KCNAB2: variants seen among roughly 807,000 people sequenced by gnomAD.
KCNAB2 encodes the protein potassium voltage-gated channel subfamily A regulatory beta subunit 2.
Under a neutral mutation model 63.6 loss-of-function variants are expected in KCNAB2, and 29 were observed. The ratio of observed to expected loss-of-function variants is 0.46; its 90% CI spans 0.34 to 0.62. The LOEUF (loss-of-function observed/expected upper bound fraction) is 0.62, where lower values mean the gene tolerates loss of function less well. Among genes scored for constraint, KCNAB2 ranks in the 20% least tolerant of loss-of-function variants. The pLI is 0.01. For synonymous variants in KCNAB2, 222 were observed against 224.2 expected (o/e 0.99, Z 0.09); for missense variants, 359 against 563.9 (o/e 0.64, Z 3.68).
In KCNAB2 at chr1:6,003,560, A is replaced by G. The variant is rs1657384938; in HGVS notation, c.-53+10772A>G. ...AACATTATTTCCTGGGAGATCCGGC[A>G]GCTCTTCACTCTTCCGAATCAGGCT... is the stretch of plus-strand genomic sequence containing the variant. On this transcript the variant is annotated intron_variant, in intron 1 of 16. Transcript: ENST00000341524. The surrounding 1 kb of genome is among the most constrained non-coding windows in gnomAD (Gnocchi z 4.1). 1.3e-5 allele frequency among the ~76,000 whole-genome samples: 2 copies of G among 152,154 alleles called. No individual in the cohort carries two copies.
chr1:6,073,840 G>T lies in KCNAB2; in HGVS notation c.300+70G>T. ...GCCAGAGCACATGGTTAAGTCTGCCGCGTGGACCAGTGAGCACGTGCTCCC... is the reference window on the plus strand; with the variant it reads ...GCCAGAGCACATGGTTAAGTCTGCCTCGTGGACCAGTGAGCACGTGCTCCC... On this transcript the variant is annotated intron_variant, in intron 4 of 15. Transcript: ENST00000378083. This position sits in a 1 kb window ranked among gnomAD's most constrained non-coding sequence, Gnocchi z 5.7. The T allele has an allele frequency of 6.7e-7, 1 of 1,499,666 alleles. No individual in the cohort carries two copies. The allele number at this position is 1,499,666 out of a possible 1,614,324, so 92.9% of individuals were successfully genotyped here.
intron 1 of KCNAB2, among the ~76,000 whole-genome samples, chr1:6,008,506 A>G (rs1019344300): frequency 2.8e-4 from 43 of 152,022 alleles, no homozygotes; most frequent in Non-Finnish European, 1.2e-4. Context: ...CTGTAATCCC[A>G]GCTACTCGGG....
chr1:5,997,944 A>G (rs1657029672), intron 1 of KCNAB2, among the ~76,000 whole-genome samples: 1 of 152,262 alleles, frequency 6.6e-6, no homozygotes, highest in African/African-American at 2.4e-5. Flanking sequence ...TCCCTCCTCT[A>G]GGGCTGAGAC....
At chr1:6,058,799 G>A (rs942523400) in intron 2 of KCNAB2, among the ~76,000 whole-genome samples, 2 of 152,240 alleles carry the variant, frequency 1.3e-5, no homozygotes, top group African/African-American at 4.8e-5. Flanking sequence ...CGGGCCAGAC[G>A]CAGGGGCTGG....
chr1:6,025,390 GA>G lies in KCNAB2; in HGVS notation c.-52-15126del, dbSNP rs550003146. ...TCCTCCCTTTGCCTGGTACCCCAAAGAGCTTGGGCTGTGCCCAGAGTGAGTC... is the reference window on the plus strand; with the variant it reads ...TCCTCCCTTTGCCTGGTACCCCAAAGGCTTGGGCTGTGCCCAGAGTGAGTC... On this transcript the variant is annotated intron_variant, in intron 1 of 16. Transcript: ENST00000341524. Among the ~76,000 whole-genome samples the G allele has an allele frequency of 1.5e-3, 222 of 152,336 alleles. 1 individual carries two copies. The highest frequency in any genetic ancestry group is 5.2e-3 in the African/African-American group (217 of 41,584).
Position 6,051,532 on chromosome 1 carries a change from G to T in KCNAB2, c.-5G>T, listed in dbSNP as rs1661381101. 6.6e-7 allele frequency: 1 copy of T among 1,514,490 alleles called. No individual in the cohort carries two copies. Among genetic ancestry groups the T allele is most frequent in the African/African-American group, 1.4e-5 (1 of 72,730 alleles). 93.8% of individuals were successfully genotyped at this position (1,514,490 alleles called of 1,614,324 possible). A position where few individuals can be genotyped will look rare whatever the true frequency, so the allele number is the denominator to read the frequency against. Reference sequence around the variant, plus strand: ...ACAGTGGCAGCTCCCAAGCCAGGCGGCACCATGCTGTCCATGACGTACAGC... The same window carrying T: ...ACAGTGGCAGCTCCCAAGCCAGGCGTCACCATGCTGTCCATGACGTACAGC... On this transcript the variant is annotated 5_prime_UTR_variant, in exon 2 of 16. Transcript: ENST00000378083.
chr1:6,072,632 G>A (rs1026940048), intron 2 of KCNAB2, 123 bp from the exon 3 acceptor site: 17 of 1,087,204 alleles, frequency 1.6e-5, no homozygotes, highest in Admixed American at 9.4e-5. Context: ...GGTGCCTTTC[G>A]GAGCCTCCAA....
chr1:6,091,150 A>C (rs1665154512), intron 9 of KCNAB2, 113 bp from the exon 10 acceptor site: 3 of 755,334 alleles, frequency 4.0e-6, no homozygotes, highest in Admixed American at 4.0e-5. Flanking sequence ...TTTTAACTAA[A>C]CGCGTGTTCT....
chr1:6,083,013 C>T (rs746063740), intron 5 of KCNAB2, among the ~76,000 whole-genome samples: 9 of 152,140 alleles, frequency 5.9e-5, no homozygotes, highest in East Asian at 5.8e-4. Flanking sequence ...GAGCACCCGG[C>T]GGCAGGGAAC....
At chr1:6,064,596 A>C (rs989625978) in intron 2 of KCNAB2, among the ~76,000 whole-genome samples, 4 of 152,188 alleles carry the variant, frequency 2.6e-5, no homozygotes, top group African/African-American at 7.2e-5. Context: ...GTAGGGGCCA[A>C]AGGTGGAATG....
At chr1:6,090,652 T>C (rs997995972) in intron 9 of KCNAB2, among the ~76,000 whole-genome samples, 177 bp downstream of exon 9, 3 of 152,090 alleles carry the variant, frequency 2.0e-5, no homozygotes, top group Non-Finnish European at 4.4e-5. Context: ...GGGGGTGAAC[T>C]CAGCCTCTGG....
chr1:5,994,179 C>A lies in KCNAB2; in HGVS notation c.-53+1391C>A, dbSNP rs1656780341. 6.6e-6 allele frequency among the ~76,000 whole-genome samples: 1 copy of A among 152,196 alleles called. No homozygotes were observed. Among genetic ancestry groups the A allele is most frequent in the African/African-American group, 2.4e-5 (1 of 41,442 alleles). On this transcript the variant is annotated intron_variant, in intron 1 of 16. Coordinates refer to the KCNAB2 transcript ENST00000341524. The surrounding 1 kb of genome is among the most constrained non-coding windows in gnomAD (Gnocchi z 5.4). ...TGCAACTTCTCCTCCCCGACAAAAA[C>A]CCCAGCCTCACCCCTCCCCTTTCCC...
chr1:6,067,509 C>T (rs577004181), intron 2 of KCNAB2, among the ~76,000 whole-genome samples: 2 of 152,318 alleles, frequency 1.3e-5, no homozygotes, highest in Non-Finnish European at 2.9e-5. Flanking sequence ...GTGTGAAAAC[C>T]GTGTCATCTA....
chr1:6,043,272 C>G (rs1165611284), upstream of KCNAB2, among the ~76,000 whole-genome samples: 1 of 151,118 alleles, frequency 6.6e-6, no homozygotes, highest in East Asian at 1.9e-4. Context: ...CCTGCCAGCT[C>G]AAAAGGGCTG....
intron 4 of KCNAB2, among the ~76,000 whole-genome samples, chr1:6,080,794 C>T (rs991780220): frequency 2.6e-5 from 4 of 152,206 alleles, no homozygotes; most frequent in African/African-American, 7.2e-5. Context: ...GTGGCTACTC[C>T]GTCCTCACTC....
chr1:6,081,064 C>T (rs1664168919), intron 4 of KCNAB2, among the ~76,000 whole-genome samples: 1 of 152,238 alleles, frequency 6.6e-6, no homozygotes, highest in African/African-American at 2.4e-5. Context: ...GGAGCTGTCA[C>T]TTGCAGAGGG....
chr1:6,038,161 T>TC (rs1660208167), intron 1 of KCNAB2, among the ~76,000 whole-genome samples: 1 of 151,768 alleles, frequency 6.6e-6, no homozygotes, highest in African/African-American at 2.4e-5. Context: ...ACAGGTGTGA[T>TC]CCACCATGCC....
intron 1 of KCNAB2, among the ~76,000 whole-genome samples, chr1:6,038,634 T>TCG (rs1298134741): frequency 6.6e-6 from 1 of 152,152 alleles, no homozygotes; most frequent in African/African-American, 2.4e-5. Context: ...TGTGCTCACA[T>TCG]CGCTCACTCA....
chr1:6,037,187 C>A (rs112986551), intron 1 of KCNAB2, among the ~76,000 whole-genome samples: 1 of 152,212 alleles, frequency 6.6e-6, no homozygotes, highest in African/African-American at 2.4e-5. Context: ...ACCCTATGTT[C>A]ATGGAGCCAG....
Sources: gnomAD v4.1 joint callset for allele counts (sites outside exome capture counted in the v4.1 genomes callset) on GRCh38, gnomAD v4.1.1 for gene constraint, Gnocchi (gnomAD v3.1) non-coding constraint, MANE v1.5 for transcripts, NCBI Gene and HGNC (gene_info 2026-07-23, HGNC 2026-07-21) for gene names.